ITGB8: variants seen among roughly 807,000 people sequenced by gnomAD.
The protein encoded by ITGB8 is integrin subunit beta 8.
A neutral mutation model predicts 89.5 loss-of-function variants in ITGB8; 30 were observed. The observed-to-expected ratio is 0.34, with a 90% CI of 0.25 to 0.45. The LOEUF is 0.45. Among genes scored for constraint, ITGB8 ranks in the 20% least tolerant of loss-of-function variants. ITGB8 has a pLI of 1.00. For synonymous variants in ITGB8, 335 were observed against 320.4 expected, an observed-to-expected ratio of 1.05 and a Z score of -0.49; for missense variants, 836 against 933.3, an observed-to-expected ratio of 0.90 and a Z score of 1.36.
chr7:20,368,843 T>C (rs1357371825), intron 3 of ITGB8, among the ~76,000 whole-genome samples: 1 of 152,212 alleles, frequency 6.6e-6, no homozygotes, highest in Middle Eastern at 3.2e-3. Context: ...AATCCCAGTT[T>C]TTCTGATCTA....
Position 20,394,274 on chromosome 7 carries a change from A to G in ITGB8, c.1057-622A>G, listed in dbSNP as rs554839621. 3.5e-4 allele frequency among the ~76,000 whole-genome samples: 53 copies of G among 152,288 alleles called. 2 individuals carry two copies. The South Asian group carries it at 0.01, about 30-fold the overall frequency. ...ATTGGCTTTTTTCTATTTTTGCTTC[A>G]TCTTCGATTCATGCAGACCTTTAAA... On this transcript the variant is annotated intron_variant, in intron 7 of 13. Coordinates refer to ENST00000222573, the MANE Select transcript of ITGB8 (RefSeq NM_002214.3).
At position 20,413,966 on chromosome 7, in the gene ITGB8, C is replaced by A. The variant is rs917926395; in HGVS notation, c.*3969C>A. 6 of 151,858 alleles carry A rather than the reference C, an allele frequency of 4.0e-5. No individual in the cohort carries two copies. Among genetic ancestry groups the A allele is most frequent in the Admixed American group, 3.9e-4 (6 of 15,256 alleles). 9.4% of individuals were successfully genotyped at this position (151,858 alleles called of 1,614,324 possible). A position where few individuals can be genotyped will look rare whatever the true frequency, so the allele number is the denominator to read the frequency against. On this transcript the variant is annotated 3_prime_UTR_variant, in exon 14 of 14. Transcript: ENST00000222573. ...CATTCTTTCAAATAATTTTCCTTTT[C>A]TTTTATAATTCCTCTATAGCAAATT...
upstream of ITGB8, among the ~76,000 whole-genome samples, chr7:20,330,403 G>A (rs1487451248): frequency 6.6e-6 from 1 of 152,178 alleles, no homozygotes; most frequent in African/African-American, 2.4e-5. Context: ...CGAGCAGCGC[G>A]GGGGTGAGAG....
At chr7:20,407,538 G>A (rs992020891) in intron 12 of ITGB8, among the ~76,000 whole-genome samples, 1 of 152,064 alleles carries the variant, frequency 6.6e-6, no homozygotes, top group African/African-American at 2.4e-5. Flanking sequence ...CCAGCTCTTA[G>A]AGAGACTGCA....
chr7:20,359,432 G>A (rs1785418427), intron 1 of ITGB8, among the ~76,000 whole-genome samples: 1 of 152,224 alleles, frequency 6.6e-6, no homozygotes, highest in African/African-American at 2.4e-5. Context: ...AACCCACTCA[G>A]GCACAACCTC....
At chr7:20,377,883 C>T (rs1232864636) in intron 3 of ITGB8, among the ~76,000 whole-genome samples, 4 of 151,810 alleles carry the variant, frequency 2.6e-5, no homozygotes, top group Non-Finnish European at 4.4e-5. Context: ...GTGAAATAAT[C>T]GAAAAGAAAA....
Position 20,341,535 on chromosome 7 carries a change from T to C in ITGB8, c.127+9602T>C, listed in dbSNP as rs556987714. ...CTACCAGTCTTTAGTTTAGAAGATATAGCATGTTTGATGCCTTGTAAAGAA... is the reference window on the plus strand; with the variant it reads ...CTACCAGTCTTTAGTTTAGAAGATACAGCATGTTTGATGCCTTGTAAAGAA... On this transcript the variant is annotated intron_variant, in intron 1 of 13. Coordinates refer to ENST00000222573, the MANE Select transcript of ITGB8 (RefSeq NM_002214.3). Among the ~76,000 whole-genome samples, 22 of 152,304 alleles carry C rather than the reference T, an allele frequency of 1.4e-4. No homozygotes were observed. In the South Asian group the frequency reaches 3.3e-3, roughly 23 times the overall value.
chr7:20,378,544 C>T (rs1008289801), intron 3 of ITGB8, among the ~76,000 whole-genome samples: 8 of 152,208 alleles, frequency 5.3e-5, no homozygotes, highest in Non-Finnish European at 1.2e-4. Flanking sequence ...TTCTCATCTC[C>T]TGTGTAAATA....
At chr7:20,342,175 G>C (rs1784780626) in intron 1 of ITGB8, among the ~76,000 whole-genome samples, 1 of 152,184 alleles carries the variant, frequency 6.6e-6, no homozygotes, top group Admixed American at 6.5e-5. Context: ...TCAAGCTCCA[G>C]AGGACGTAAG....
In ITGB8 at chr7:20,415,378, A is replaced by C. The variant is rs1366783802; in HGVS notation, c.*5381A>C. 1 of 151,984 alleles carries C rather than the reference A, an allele frequency of 6.6e-6. No homozygotes were observed. Among genetic ancestry groups the C allele is most frequent in the East Asian group, 1.9e-4 (1 of 5,204 alleles). 9.4% of individuals were successfully genotyped at this position (151,984 alleles called of 1,614,324 possible). On this transcript the variant is annotated 3_prime_UTR_variant, in exon 14 of 14. Transcript: ENST00000222573. ...GTTTGTAAAAATAAATTTAATATAG[A>C]ATATATTTTTAAATTAAATATTTGA...
In ITGB8 at chr7:20,409,670, A is replaced by T. The variant is rs1009225549; in HGVS notation, c.2079A>T (p.Thr693=). 1.2e-6 allele frequency: 2 copies of T among 1,611,430 alleles called. No individual in the cohort carries two copies. The highest frequency in any genetic ancestry group is 1.7e-6 in the Non-Finnish European group (2 of 1,178,670). ...LRIFFIIFIV[T]FLIGLLKVLI... ...TATTTTTCATCATTTTCATAGTTACATTCTTGATTGGGTTGCTTAAAGTCC... is the reference window on the plus strand; with the variant it reads ...TATTTTTCATCATTTTCATAGTTACTTTCTTGATTGGGTTGCTTAAAGTCC... Residue 693 remains threonine, a synonymous_variant, in exon 13 of 14, where the codon ACA becomes ACT. Transcript: ENST00000222573.
intron 2 of ITGB8, among the ~76,000 whole-genome samples, chr7:20,364,493 T>C (rs1041358536): frequency 1.3e-5 from 2 of 152,190 alleles, no homozygotes; most frequent in African/African-American, 4.8e-5. Flanking sequence ...TAGCAACAGA[T>C]GGTGGATATC....
chr7:20,350,226 C>G (rs1264817909), intron 1 of ITGB8, among the ~76,000 whole-genome samples: 2 of 152,216 alleles, frequency 1.3e-5, no homozygotes, highest in Non-Finnish European at 2.9e-5. Context: ...CGGCTCACTG[C>G]AACCTCCACC....
At chr7:20,339,054 T>C (rs1784666002) in intron 1 of ITGB8, among the ~76,000 whole-genome samples, 1 of 152,058 alleles carries the variant, frequency 6.6e-6, no homozygotes, top group Non-Finnish European at 1.5e-5. Context: ...TAGCTGGATG[T>C]GGTTGCACAC....
In ITGB8 at chr7:20,332,913, T is replaced by C. The variant is rs35965098; in HGVS notation, c.127+980T>C. Among the ~76,000 whole-genome samples, 348 of 146,078 alleles carry C rather than the reference T, an allele frequency of 2.4e-3. 3 individuals carry two copies. The highest frequency in any genetic ancestry group is 2.6e-3 in the Non-Finnish European group (172 of 67,132). ...TTTATTTTTGCTAATGCAGTGACTC[T>C]TGTCATACTTTCTTTTTTTTTTTTT... On this transcript the variant is annotated intron_variant, in intron 1 of 13. Transcript: ENST00000222573.
intron 1 of ITGB8, among the ~76,000 whole-genome samples, chr7:20,354,291 AAAAC>A (rs1281483154): frequency 1.3e-5 from 2 of 152,200 alleles, no homozygotes; most frequent in African/African-American, 2.4e-5. Context: ...TTTCCAAGGA[AAAAC>A]AAACAAACAA....
Position 20,331,637 on chromosome 7 carries a change from C to T in ITGB8, c.-170C>T. 2.8e-6 allele frequency: 2 copies of T among 706,118 alleles called. No homozygotes were observed. The highest frequency in any genetic ancestry group is 4.2e-6 in the Non-Finnish European group (2 of 476,570). The allele number at this position is 706,118 out of a possible 1,614,324, so 43.7% of individuals were successfully genotyped here. ...GGGCCCTGAGATGCCGAGCGGTGCC[C>T]GGGCCCGCTTACCTGCACCGCTTGC... On this transcript the variant is annotated 5_prime_UTR_variant, in exon 1 of 14. Coordinates refer to ENST00000222573, the MANE Select transcript of ITGB8 (RefSeq NM_002214.3).
chr7:20,404,968 A>G lies in ITGB8; in HGVS notation c.1913+115A>G, dbSNP rs1426761581. On this transcript the variant is annotated intron_variant, in intron 11 of 13. Transcript: ENST00000222573. The stretch of plus-strand genomic sequence containing the variant: ...TACATTGTGACCACCATGCTAAAAA[A>G]GAATTAAATGAGAAATGCTATGAAT... The G allele has an allele frequency of 1.1e-4, 93 of 858,098 alleles. No individual in the cohort carries two copies. In the East Asian group the frequency reaches 2.3e-3, roughly 21 times the overall value. 53.2% of individuals were successfully genotyped at this position (858,098 alleles called of 1,614,324 possible). A position where few individuals can be genotyped will look rare whatever the true frequency, so the allele number is the denominator to read the frequency against.
Position 20,394,893 on chromosome 7 carries a change from T to C in ITGB8, c.1057-3T>C. The C allele has an allele frequency of 1.9e-6, 3 of 1,601,692 alleles. No homozygotes were observed. Among genetic ancestry groups the C allele is most frequent in the Non-Finnish European group, 2.6e-6 (3 of 1,168,638 alleles). ...GTTTAAATGCTACTGATATGTTTTA[T>C]AGGATCTTCTACCCCTCTTGCCAGG... On this transcript the variant is annotated splice_region_variant and splice_polypyrimidine_tract_variant and intron_variant, in intron 7 of 13. Transcript: ENST00000222573.
Sources: gnomAD v4.1 joint callset for allele counts (sites outside exome capture counted in the v4.1 genomes callset) on GRCh38, gnomAD v4.1.1 for gene constraint, MANE v1.5 for transcripts, NCBI Gene and HGNC (gene_info 2026-07-23, HGNC 2026-07-21) for gene names.